The following RBMS3 variants were observed in gnomAD, a reference collection of about 807,000 sequenced individuals.
The protein encoded by RBMS3 is RNA-binding motif, single-stranded-interacting protein 3.
RBMS3 carries 27 observed loss-of-function variants against 66.8 expected under a neutral mutation model. The ratio of observed to expected loss-of-function variants is 0.40; its 90% CI spans 0.30 to 0.56. The LOEUF (loss-of-function observed/expected upper bound fraction) is 0.56. Among genes scored for constraint, RBMS3 ranks in the 20% least tolerant of loss-of-function variants. The probability of loss-of-function intolerance (pLI) is 0.40; values close to 1 mark genes in which losing one functional copy is unlikely to be tolerated. For synonymous variants in RBMS3, 188 were observed against 183.0 expected, an observed-to-expected ratio of 1.03 and a Z score of -0.22; for missense variants, 513 against 549.5, an observed-to-expected ratio of 0.93 and a Z score of 0.66.
chr3:29,963,828 C>CTAA (rs1696641870), intron 12 of RBMS3, among the ~76,000 whole-genome samples: 1 of 121,656 alleles, frequency 8.2e-6, no homozygotes, highest in African/African-American at 3.2e-5. Flanking sequence ...CTGCCCCCTC[C>CTAA]AAAAAAAAAA....
intron 1 of RBMS3, among the ~76,000 whole-genome samples, chr3:29,358,686 T>C (rs1191047232): frequency 6.6e-6 from 1 of 152,228 alleles, no homozygotes; most frequent in East Asian, 1.9e-4. Context: ...GAACATGGAA[T>C]GTTCTTCCAT....
At chr3:29,847,668 T>A (rs549771171) in intron 6 of RBMS3, among the ~76,000 whole-genome samples, 1 of 152,076 alleles carries the variant, frequency 6.6e-6, no homozygotes, top group African/African-American at 2.4e-5. Flanking sequence ...TATTTTTTAT[T>A]TTTTTGAGAC....
chr3:29,651,143 C>T (rs2050131129), intron 4 of RBMS3, among the ~76,000 whole-genome samples: 1 of 152,126 alleles, frequency 6.6e-6, no homozygotes, highest in South Asian at 2.1e-4. Flanking sequence ...AGATCAACAA[C>T]AAATGCTTTC....
At chr3:29,692,205 C>T (rs2052056731) in intron 4 of RBMS3, among the ~76,000 whole-genome samples, 1 of 151,964 alleles carries the variant, frequency 6.6e-6, no homozygotes, top group South Asian at 2.1e-4. Context: ...TGGTCTCAAA[C>T]TCCTAACCTC....
chr3:29,490,029 C>T lies in RBMS3; in HGVS notation c.307+1530C>T, dbSNP rs547777057. ...TTGCACTCCAGCCTGGGCTACAGGGCAAGACTCCCTCTCAAAAAAAAAAAA... is the reference window on the plus strand; with the variant it reads ...TTGCACTCCAGCCTGGGCTACAGGGTAAGACTCCCTCTCAAAAAAAAAAAA... On this transcript the variant is annotated intron_variant, in intron 3 of 14. Transcript: ENST00000383767. 2.2e-4 allele frequency among the ~76,000 whole-genome samples: 21 copies of T among 97,274 alleles called. No individual in the cohort carries two copies. The East Asian group carries it at 6.2e-3, about 29-fold the overall frequency. 63.8% of individuals were successfully genotyped at this position (97,274 alleles called of 152,430 possible).
intron 4 of RBMS3, among the ~76,000 whole-genome samples, chr3:29,652,396 C>T (rs187157116): frequency 2.6e-5 from 4 of 152,154 alleles, no homozygotes; most frequent in South Asian, 2.1e-4. Context: ...CTCCAAAGCA[C>T]GTAGAACCTA....
intron 3 of RBMS3, among the ~76,000 whole-genome samples, chr3:29,544,240 T>C (rs769139252): frequency 6.6e-6 from 1 of 152,166 alleles, no homozygotes; most frequent in Non-Finnish European, 1.5e-5. Flanking sequence ...ATCACACATG[T>C]AATGAATAAA....
At chr3:29,294,179 T>C (rs1381933890) in intron 1 of RBMS3, among the ~76,000 whole-genome samples, 5 of 151,860 alleles carry the variant, frequency 3.3e-5, no homozygotes, top group Non-Finnish European at 7.4e-5. Context: ...GTGTGTCTTG[T>C]ACATTGGTCC....
At chr3:29,284,745 C>T (rs2032132070) in intron 1 of RBMS3, among the ~76,000 whole-genome samples, 1 of 151,852 alleles carries the variant, frequency 6.6e-6, no homozygotes, top group African/African-American at 2.4e-5. Context: ...AAGATGAAAA[C>T]CCAGTGGCTG....
At chr3:29,492,724 G>GA (rs1273587318) in intron 3 of RBMS3, among the ~76,000 whole-genome samples, 10 of 150,672 alleles carry the variant, frequency 6.6e-5, no homozygotes, top group East Asian at 3.9e-4. Flanking sequence ...GGATATGGGA[G>GA]AAAAAAAAAG....
intron 1 of RBMS3, among the ~76,000 whole-genome samples, chr3:29,302,376 G>A (rs1365613412): frequency 6.6e-6 from 1 of 151,854 alleles, no homozygotes; most frequent in South Asian, 2.1e-4. Flanking sequence ...CATTTACCTA[G>A]ATTTTAATTT....
intron 6 of RBMS3, among the ~76,000 whole-genome samples, chr3:29,861,446 G>A (rs560761817): frequency 3.1e-4 from 47 of 152,204 alleles, no homozygotes; most frequent in Admixed American, 2.9e-3. Context: ...CATCACCACA[G>A]TCCAATACAA....
chr3:29,586,238 T>C (rs998308050), intron 3 of RBMS3, among the ~76,000 whole-genome samples: 8 of 152,128 alleles, frequency 5.3e-5, no homozygotes, highest in Non-Finnish European at 1.0e-4. Context: ...TTCTTGGCAG[T>C]TAACATTACT....
chr3:29,460,921 C>A (rs1054828749), intron 2 of RBMS3, among the ~76,000 whole-genome samples: 1 of 152,260 alleles, frequency 6.6e-6, no homozygotes, highest in South Asian at 2.1e-4. Flanking sequence ...TCTAATATAT[C>A]TTCCCTAAAC....
chr3:29,663,169 A>G (rs1448969301), intron 4 of RBMS3, among the ~76,000 whole-genome samples: 1 of 152,138 alleles, frequency 6.6e-6, no homozygotes, highest in Non-Finnish European at 1.5e-5. Context: ...CCTCTCCACA[A>G]TTTCTCCTTG....
chr3:29,716,489 C>T (rs911197994), intron 4 of RBMS3, among the ~76,000 whole-genome samples: 5 of 152,148 alleles, frequency 3.3e-5, no homozygotes, highest in Admixed American at 3.3e-4. Flanking sequence ...CTTTGTGCCA[C>T]CACCCATAGA....
chr3:29,988,415 G>GAGCTCATCTGCTAT (rs1200969253), intron 13 of RBMS3, among the ~76,000 whole-genome samples, 192 bp downstream of exon 13: 1 of 152,160 alleles, frequency 6.6e-6, no homozygotes, highest in Non-Finnish European at 1.5e-5. Context: ...CACATGAAAT[G>GAGCTCATCTGCTAT]AGCTCATCTG....
chr3:29,782,330 G>A (rs1401002774), intron 6 of RBMS3, among the ~76,000 whole-genome samples: 1 of 152,192 alleles, frequency 6.6e-6, no homozygotes, highest in Non-Finnish European at 1.5e-5. Context: ...AGAGCTACAA[G>A]ACCTGAAGAT....
intron 3 of RBMS3, among the ~76,000 whole-genome samples, chr3:29,506,495 G>T (rs915983619): frequency 2.0e-5 from 3 of 151,872 alleles, no homozygotes; most frequent in Non-Finnish European, 2.9e-5. Flanking sequence ...TTTTGTTGAG[G>T]TTATTTACAT....
Sources: gnomAD v4.1 joint callset for allele counts (sites outside exome capture counted in the v4.1 genomes callset) on GRCh38, gnomAD v4.1.1 for gene constraint, MANE v1.5 for transcripts, NCBI Gene and HGNC (gene_info 2026-07-23, HGNC 2026-07-21) for gene names.